The following MGST2 variants were observed in gnomAD, a reference collection of about 807,000 sequenced individuals.
The protein encoded by MGST2 is glutathione peroxidase MGST2.
Under a neutral mutation model 16.6 loss-of-function variants are expected in MGST2, and 9 were observed. The observed-to-expected ratio is 0.54, with a 90% CI of 0.33 to 0.95. MGST2 has a LOEUF of 0.95. Among genes scored for constraint, MGST2 ranks in the 40% least tolerant of loss-of-function variants. The pLI is 0.03. For missense variants in MGST2, 159 were observed against 175.1 expected (o/e 0.91, Z 0.52); for synonymous variants, 79 against 68.0 (o/e 1.16, Z -0.79).
chr4:139,734,349 T>C (rs1728843139), intron 5 of MGST2, among the ~76,000 whole-genome samples: 1 of 152,162 alleles, frequency 6.6e-6, no homozygotes, highest in Non-Finnish European at 1.5e-5. Flanking sequence ...TGAAGCCAAA[T>C]GATGCAGTAT....
intron 3 of MGST2, among the ~76,000 whole-genome samples, chr4:139,699,788 C>T (rs530544488): frequency 6.6e-6 from 1 of 152,290 alleles, no homozygotes; most frequent in Admixed American, 6.5e-5. Context: ...CCTGTAATCC[C>T]AGCAATTTGG....
In MGST2 at chr4:139,696,975, T is replaced by G. The variant is rs576205462; in HGVS notation, c.229+1708T>G. On this transcript the variant is annotated intron_variant, in intron 3 of 4. Coordinates refer to ENST00000265498, the MANE Select transcript of MGST2 (RefSeq NM_002413.5). ...TACTTTTATGCCTTCCACGTTGAAC[T>G]CATGGGGTTCTGGGTGGTCAGGGAC... 6.6e-5 allele frequency among the ~76,000 whole-genome samples: 10 copies of G among 152,174 alleles called. No individual in the cohort carries two copies. In the South Asian group the frequency reaches 2.1e-3, roughly 32 times the overall value.
chr4:139,705,393 G>T (rs1277359879), downstream of MGST2, among the ~76,000 whole-genome samples: 1 of 152,214 alleles, frequency 6.6e-6, no homozygotes, highest in Non-Finnish European at 1.5e-5. Flanking sequence ...GAGGTAGCAT[G>T]TGCAAATTCC....
In MGST2 at chr4:139,715,823, A is replaced by G. The variant is rs2110938528; in HGVS notation, c.*48+11627A>G. 6.6e-6 allele frequency among the ~76,000 whole-genome samples: 1 copy of G among 152,300 alleles called. No homozygotes were observed. Among genetic ancestry groups the G allele is most frequent in the African/African-American group, 2.4e-5 (1 of 41,544 alleles). On this transcript the variant is annotated intron_variant, in intron 5 of 5. Transcript: ENST00000616265. This position sits in a 1 kb window ranked among gnomAD's most constrained non-coding sequence, Gnocchi z 4.4. ...CTCCTTTACTGCAAACTGTTTTATC[A>G]GCAAGGTCTTTATGCCGTGTATTTT... is the stretch of plus-strand genomic sequence containing the variant.
intron 5 of MGST2, among the ~76,000 whole-genome samples, chr4:139,722,581 A>G (rs1728279782): frequency 6.6e-6 from 1 of 152,220 alleles, no homozygotes; most frequent in Admixed American, 6.5e-5. Context: ...TACAGATGAT[A>G]GTATCCAACT....
chr4:139,730,734 G>A, intron 5 of MGST2: 2 of 1,458,934 alleles, frequency 1.4e-6, no homozygotes, highest in South Asian at 1.2e-5. Context: ...TTGAAGGGAA[G>A]CCCCTGGAAA....
At chr4:139,724,688 C>T (rs1271620223) in intron 5 of MGST2, among the ~76,000 whole-genome samples, 1 of 152,008 alleles carries the variant, frequency 6.6e-6, no homozygotes, top group African/African-American at 2.4e-5. Context: ...GCTAGGTGAC[C>T]CCTGTAGCCC....
intron 5 of MGST2, among the ~76,000 whole-genome samples, chr4:139,739,321 C>CT (rs1286131226): frequency 7.2e-5 from 11 of 152,260 alleles, no homozygotes; most frequent in Admixed American, 5.2e-4. Context: ...TTTCAAGGCC[C>CT]TTTTTTGCAG....
chr4:139,686,095 T>C (rs1054660780), intron 2 of MGST2, among the ~76,000 whole-genome samples: 3 of 152,202 alleles, frequency 2.0e-5, no homozygotes, highest in South Asian at 2.1e-4. Flanking sequence ...GATATGAAAC[T>C]TCAATCAAAT....
chr4:139,688,832 C>T (rs747640641), intron 2 of MGST2, among the ~76,000 whole-genome samples: 11 of 152,156 alleles, frequency 7.2e-5, no homozygotes, highest in Middle Eastern at 3.4e-3. Flanking sequence ...GGGGGCTGGG[C>T]GCAGTGGCCC....
rs1429138334 is a variant in MGST2 at position 139,735,098 on chromosome 4, C to A, written c.*49-5114C>A. Among the ~76,000 whole-genome samples, 1 of 152,326 alleles carries A rather than the reference C, an allele frequency of 6.6e-6. No homozygotes were observed. Among genetic ancestry groups the A allele is most frequent in the Non-Finnish European group, 1.5e-5 (1 of 68,028 alleles). ...GCGGCCCCCGCCCCGCGCGTCTGGG[C>A]GAGCGCTGCGAACGTGGAGCCAGGC... On this transcript the variant is annotated intron_variant, in intron 5 of 5. Transcript: ENST00000616265. This position sits in a 1 kb window ranked among gnomAD's most constrained non-coding sequence, Gnocchi z 5.8.
At chr4:139,730,718 T>C in intron 5 of MGST2, 2 of 1,536,430 alleles carry the variant, frequency 1.3e-6, no homozygotes, top group Non-Finnish European at 1.8e-6. Flanking sequence ...AGAGACTCAC[T>C]GCTGTTTGAA....
At chr4:139,668,906 G>T (rs140540549) in intron 1 of MGST2, among the ~76,000 whole-genome samples, 115 of 152,196 alleles carry the variant, frequency 7.6e-4, no homozygotes, top group African/African-American at 2.7e-3. Context: ...TGCTTGGCAG[G>T]GTATGATAAA....
Position 139,704,005 on chromosome 4 carries a change from C to G in MGST2, c.312-11C>G. The G allele has an allele frequency of 6.2e-7, 1 of 1,614,044 alleles. No homozygotes were observed. The highest frequency in any genetic ancestry group is 8.5e-7 in the Non-Finnish European group (1 of 1,180,012). On this transcript the variant is annotated splice_polypyrimidine_tract_variant and intron_variant, in intron 4 of 4. Transcript: ENST00000265498. ...AGTTTGTCACTTTTCTCCCTCATGTCCACTCTGCAGGATCACCGGTTTCCG... is the reference window on the plus strand; with the variant it reads ...AGTTTGTCACTTTTCTCCCTCATGTGCACTCTGCAGGATCACCGGTTTCCG...
chr4:139,724,333 C>T (rs1728381337), intron 5 of MGST2, among the ~76,000 whole-genome samples: 1 of 152,130 alleles, frequency 6.6e-6, no homozygotes, highest in African/African-American at 2.4e-5. Flanking sequence ...GGGTTTAAAA[C>T]AGAAAGAAAA....
intron 5 of MGST2, among the ~76,000 whole-genome samples, chr4:139,739,684 T>G (rs1304149883): frequency 8.6e-4 from 125 of 145,604 alleles, no homozygotes; most frequent in African/African-American, 2.5e-3. Flanking sequence ...AAGCAGTTTT[T>G]TTTTTTTTTT....
chr4:139,706,345 C>T (rs1429412283), downstream of MGST2, among the ~76,000 whole-genome samples: 2 of 152,208 alleles, frequency 1.3e-5, no homozygotes, highest in Non-Finnish European at 2.9e-5. Context: ...CCTGTCCTAT[C>T]ACTTGCTGGC....
At chr4:139,742,727 G>A (rs988026485), downstream of MGST2, among the ~76,000 whole-genome samples, 15 of 152,162 alleles carry the variant, frequency 9.9e-5, no homozygotes, top group South Asian at 2.1e-4. Flanking sequence ...AATATGAAAT[G>A]AGACCCTAGA....
chr4:139,723,006 T>C (rs1728298242), intron 5 of MGST2, among the ~76,000 whole-genome samples: 1 of 152,226 alleles, frequency 6.6e-6, no homozygotes, highest in Admixed American at 6.5e-5. Flanking sequence ...GAATAGAAAA[T>C]GCAAAGTGAT....
Sources: gnomAD v4.1 joint callset for allele counts (sites outside exome capture counted in the v4.1 genomes callset) on GRCh38, gnomAD v4.1.1 for gene constraint, Gnocchi (gnomAD v3.1) non-coding constraint, MANE v1.5 for transcripts, NCBI Gene and HGNC (gene_info 2026-07-23, HGNC 2026-07-21) for gene names.